ITGA9: variants seen among roughly 807,000 people sequenced by gnomAD.
The protein encoded by ITGA9 is integrin alpha-9.
A neutral mutation model predicts 127.8 loss-of-function variants in ITGA9; 56 were observed. The observed-to-expected ratio is 0.44, with a 90% CI of 0.35 to 0.55. The LOEUF (loss-of-function observed/expected upper bound fraction) is 0.55. ITGA9 is among the 20% of genes least tolerant of loss of function. The pLI, the probability that ITGA9 is intolerant of heterozygous loss-of-function variation, is 0.00. For missense variants in ITGA9, 1,196 were observed against 1,347.1 expected (o/e 0.89, Z 1.76); for synonymous variants, 508 against 514.5 (o/e 0.99, Z 0.17).
At chr3:37,532,194 C>T (rs529261876) in intron 13 of ITGA9, among the ~76,000 whole-genome samples, 63 of 152,358 alleles carry the variant, frequency 4.1e-4, no homozygotes, top group Middle Eastern at 6.8e-3. Context: ...TCCCGCAGTT[C>T]CACTGCCTCT....
At chr3:37,685,977 G>A (rs748193468) in intron 18 of ITGA9, among the ~76,000 whole-genome samples, 11 of 152,030 alleles carry the variant, frequency 7.2e-5, no homozygotes, top group Non-Finnish European at 1.2e-4. Context: ...GATATACTGT[G>A]GATTTACCTT....
chr3:37,665,557 C>T (rs1700578608), intron 17 of ITGA9, among the ~76,000 whole-genome samples: 1 of 151,996 alleles, frequency 6.6e-6, no homozygotes, highest in African/African-American at 2.4e-5. Context: ...TCCAGTGATT[C>T]TCCTGCCTCA....
chr3:37,644,545 A>C (rs770343426), intron 16 of ITGA9, among the ~76,000 whole-genome samples: 4 of 152,192 alleles, frequency 2.6e-5, no homozygotes, highest in Non-Finnish European at 5.9e-5. Context: ...GAATATATCA[A>C]TGTGGCAAAA....
intron 17 of ITGA9, among the ~76,000 whole-genome samples, chr3:37,661,807 A>G (rs1221509989): frequency 6.6e-6 from 1 of 152,210 alleles, no homozygotes; most frequent in Non-Finnish European, 1.5e-5. Context: ...GGTACCACAC[A>G]GTGAGTGCTA....
intron 15 of ITGA9, among the ~76,000 whole-genome samples, chr3:37,619,895 C>T (rs925105632): frequency 2.6e-5 from 4 of 151,296 alleles, no homozygotes; most frequent in Non-Finnish European, 5.9e-5. Context: ...CTTAGCTCAG[C>T]CTTCCAGTCT....
At chr3:37,545,037 G>A (rs1358276405) in intron 15 of ITGA9, among the ~76,000 whole-genome samples, 1 of 152,244 alleles carries the variant, frequency 6.6e-6, no homozygotes, top group Non-Finnish European at 1.5e-5. Context: ...CGGCTTACTG[G>A]CTGTGGGAAC....
At chr3:37,764,319 A>G (rs922415725) in intron 23 of ITGA9, among the ~76,000 whole-genome samples, 3 of 151,750 alleles carry the variant, frequency 2.0e-5, no homozygotes, top group African/African-American at 4.8e-5. Context: ...TCTTCATCCA[A>G]CCCCTCCTCA....
chr3:37,813,834 A>C (rs1697397515), intron 27 of ITGA9, among the ~76,000 whole-genome samples: 1 of 152,218 alleles, frequency 6.6e-6, no homozygotes, highest in Non-Finnish European at 1.5e-5. Flanking sequence ...GTTCAACTCC[A>C]TCAAGCCTTG....
At chr3:37,789,768 CAAAAAAAAAAAAAA>C (rs71635850) in intron 26 of ITGA9, among the ~76,000 whole-genome samples, 5 of 35,686 alleles carry the variant, frequency 1.4e-4, no homozygotes, top group African/African-American at 5.1e-4. Flanking sequence ...GACTCCGTCT[CAAAAAAAAAAAAAA>C]AAAAAAAAAA....
chr3:37,570,836 G>A (rs1031075222), intron 15 of ITGA9, among the ~76,000 whole-genome samples: 1 of 152,208 alleles, frequency 6.6e-6, no homozygotes, highest in Non-Finnish European at 1.5e-5. Flanking sequence ...ACCTATTGAT[G>A]AGAGGCATGC....
chr3:37,595,828 C>T (rs776861912), intron 15 of ITGA9, among the ~76,000 whole-genome samples: 8 of 152,192 alleles, frequency 5.3e-5, no homozygotes, highest in Non-Finnish European at 7.3e-5. Context: ...CAGCCTGGAC[C>T]GCCGACCTTG....
Position 37,473,376 on chromosome 3 carries a change from C to T in ITGA9, c.336C>T (p.Cys112=), listed in dbSNP as rs368867753. 200 of 1,613,856 alleles carry T rather than the reference C, an allele frequency of 1.2e-4. No individual in the cohort carries two copies. Among genetic ancestry groups the T allele is most frequent in the Admixed American group, 2.3e-4 (14 of 59,984 alleles). Residue 112 remains cysteine, a synonymous_variant, in exon 3 of 28, where the codon TGC becomes TGT. Coordinates refer to ENST00000264741, the MANE Select transcript of ITGA9 (RefSeq NM_002207.3). ...CAGGGAAGAATCGGGGCACGTCCTG[C>T]GGAAAGACCTGCCGGGAAGACCGCG... ...MARGKNRGTS[C]GKTCREDRDD...
chr3:37,751,440 G>A (rs1411409590), intron 23 of ITGA9, among the ~76,000 whole-genome samples: 2 of 152,148 alleles, frequency 1.3e-5, no homozygotes, highest in African/African-American at 2.4e-5. Flanking sequence ...ATCTAGGAGT[G>A]TTCTCTTCCT....
At chr3:37,560,852 T>C (rs533504169) in intron 15 of ITGA9, among the ~76,000 whole-genome samples, 51 of 152,342 alleles carry the variant, frequency 3.3e-4, no homozygotes, top group African/African-American at 1.2e-3. Context: ...TTGCCCACAG[T>C]TCTGGAGGTT....
At chr3:37,480,626 A>G (rs531832468) in intron 3 of ITGA9, among the ~76,000 whole-genome samples, 1 of 152,272 alleles carries the variant, frequency 6.6e-6, no homozygotes, top group South Asian at 2.1e-4. Context: ...GTTTCCATAA[A>G]AAAACAACTC....
chr3:37,723,759 C>T (rs1278631871), intron 18 of ITGA9, among the ~76,000 whole-genome samples: 1 of 152,178 alleles, frequency 6.6e-6, no homozygotes, highest in Non-Finnish European at 1.5e-5. Context: ...CATTGTAGCC[C>T]CATCCCCTAG....
rs771129294 is a variant in ITGA9 at position 37,683,855 on chromosome 3, T to C, written c.1917-10T>C. Reference sequence around the variant, plus strand: ...TCAGGGCATTCATTGCTGTCTATTTTTCGTTACAGTATGGATGAGAAAACC... The same window carrying C: ...TCAGGGCATTCATTGCTGTCTATTTCTCGTTACAGTATGGATGAGAAAACC... On this transcript the variant is annotated splice_polypyrimidine_tract_variant and intron_variant, in intron 17 of 27. Coordinates refer to ENST00000264741, the MANE Select transcript of ITGA9 (RefSeq NM_002207.3). The C allele has an allele frequency of 3.1e-6, 5 of 1,613,866 alleles. No homozygotes were observed. In the Admixed American group the frequency reaches 8.3e-5, roughly 27 times the overall value.
At position 37,664,593 on chromosome 3, in the gene ITGA9, T is replaced by G. The variant is rs561984231; in HGVS notation, c.1916+10803T>G. Among the ~76,000 whole-genome samples the G allele has an allele frequency of 1.1e-3, 164 of 151,580 alleles. 6 individuals carry two copies. In the South Asian group the frequency reaches 0.033, roughly 30 times the overall value. On this transcript the variant is annotated intron_variant, in intron 17 of 27. Transcript: ENST00000264741. ...GCACCACCATGCCTGGCTAATTTTC[T>G]ATTTTTAGTAAAGACAGGGTTTCTC...
At chr3:37,678,652 G>A (rs990875903) in intron 17 of ITGA9, among the ~76,000 whole-genome samples, 1 of 152,124 alleles carries the variant, frequency 6.6e-6, no homozygotes, top group Non-Finnish European at 1.5e-5. Context: ...AAAAGAAAAG[G>A]TCATGGTTTT....
Sources: allele counts gnomAD v4.1 joint callset (sites outside exome capture counted in the v4.1 genomes callset), GRCh38; gene constraint gnomAD v4.1.1; transcripts MANE v1.5; gene names NCBI Gene and HGNC (gene_info 2026-07-23, HGNC 2026-07-21).